CYTH3: variants seen among roughly 807,000 people sequenced by gnomAD.
CYTH3 encodes the protein cytohesin-3.
A neutral mutation model predicts 55.1 loss-of-function variants in CYTH3; 23 were observed. The observed-to-expected ratio is 0.42, with a 90% CI of 0.30 to 0.59. The LOEUF (loss-of-function observed/expected upper bound fraction) is 0.59, where lower values mean the gene tolerates loss of function less well. CYTH3 is among the 20% of genes least tolerant of loss of function. The pLI is 0.20. For synonymous variants in CYTH3, 249 were observed against 194.9 expected, an observed-to-expected ratio of 1.28 and a Z score of -2.31; for missense variants, 413 against 524.8, an observed-to-expected ratio of 0.79 and a Z score of 2.08.
At chr7:6,187,589 G>T in intron 3 of CYTH3, 68 bp downstream of exon 3, 1 of 1,418,386 alleles carries the variant, frequency 7.1e-7, no homozygotes, top group African/African-American at 1.4e-5. Flanking sequence ...CTTTCTGCAA[G>T]TTTGACTACA....
At chr7:6,271,186 GCT>G (rs1780642262) in intron 1 of CYTH3, among the ~76,000 whole-genome samples, 1 of 152,068 alleles carries the variant, frequency 6.6e-6, no homozygotes, top group Non-Finnish European at 1.5e-5. Context: ...GTGCCACAGT[GCT>G]ACCCCTAGCT....
At chr7:6,168,269 A>C (rs1361799632) in intron 9 of CYTH3, among the ~76,000 whole-genome samples, 1 of 145,602 alleles carries the variant, frequency 6.9e-6, no homozygotes, top group Non-Finnish European at 1.5e-5. Context: ...TCGAAGTCTT[A>C]AGTTACCAAC....
chr7:6,243,899 A>G (rs955532829), intron 1 of CYTH3, among the ~76,000 whole-genome samples: 22 of 152,230 alleles, frequency 1.4e-4, no homozygotes, highest in African/African-American at 5.1e-4. Context: ...ATTTTTAAAA[A>G]GATTTCATTG....
intron 1 of CYTH3, among the ~76,000 whole-genome samples, chr7:6,251,752 G>C (rs1486852749): frequency 6.6e-6 from 1 of 152,122 alleles, no homozygotes; most frequent in Admixed American, 6.6e-5. Context: ...ATAGAGTACA[G>C]GACTTCAAAG....
Position 6,170,685 on chromosome 7 carries a change from G to C in CYTH3, c.712-39C>G, listed in dbSNP as rs770389015. The C allele has an allele frequency of 1.5e-5, 24 of 1,598,030 alleles. No homozygotes were observed. Among genetic ancestry groups the C allele is most frequent in the Non-Finnish European group, 2.0e-5 (24 of 1,171,070 alleles). ...AAACAGCAGCCAGTTCAGAGACTCG[G>C]AGGAAAATGGCTGGCCGGGCAGAAA... On this transcript the variant is annotated intron_variant, in intron 8 of 12. Transcript: ENST00000350796. The surrounding 1 kb of genome is among the most constrained non-coding windows in gnomAD (Gnocchi z 7.8).
At chr7:6,256,398 CA>C (rs1562415303) in intron 1 of CYTH3, among the ~76,000 whole-genome samples, 1 of 152,178 alleles carries the variant, frequency 6.6e-6, no homozygotes, top group East Asian at 1.9e-4. Flanking sequence ...TCTGAAGACA[CA>C]AATTCTTTGC....
At chr7:6,202,565 T>A (rs1033520566) in intron 1 of CYTH3, among the ~76,000 whole-genome samples, 1 of 150,386 alleles carries the variant, frequency 6.6e-6, no homozygotes, top group East Asian at 2.0e-4. Flanking sequence ...CTGGGTTCAA[T>A]CGATTCTCCT....
chr7:6,199,130 A>T (rs987490624), intron 1 of CYTH3, among the ~76,000 whole-genome samples: 5 of 152,258 alleles, frequency 3.3e-5, no homozygotes, highest in African/African-American at 1.2e-4. Context: ...GAAGCTTTAC[A>T]TAAGAATCAG....
intron 1 of CYTH3, among the ~76,000 whole-genome samples, chr7:6,199,042 A>G (rs1784002308): frequency 6.6e-6 from 1 of 152,238 alleles, no homozygotes; most frequent in South Asian, 2.1e-4. Context: ...GATAGCAAAT[A>G]TAAATGTTTC....
At chr7:6,240,687 C>G (rs937482632) in intron 1 of CYTH3, among the ~76,000 whole-genome samples, 7 of 150,262 alleles carry the variant, frequency 4.7e-5, no homozygotes, top group African/African-American at 1.8e-4. Flanking sequence ...GAATAAACTC[C>G]AAACAATTCA....
intron 1 of CYTH3, among the ~76,000 whole-genome samples, chr7:6,224,376 T>A (rs1583175948): frequency 6.8e-6 from 1 of 147,168 alleles, no homozygotes; most frequent in African/African-American, 2.5e-5. Context: ...CAAAACCATA[T>A]ATTATTAAAA....
chr7:6,244,567 C>T lies in CYTH3; in HGVS notation c.34+27907G>A, dbSNP rs944307210. On this transcript the variant is annotated intron_variant, in intron 1 of 12. Coordinates refer to ENST00000350796, the MANE Select transcript of CYTH3 (RefSeq NM_004227.4). ...GCAGCCTCAACCACCTGGACTCAAG[C>T]GATCCTCCTGCCTCAGCCTCCTGAG... 5.9e-5 allele frequency among the ~76,000 whole-genome samples: 9 copies of T among 152,302 alleles called. No individual in the cohort carries two copies. In the East Asian group the frequency reaches 7.7e-4, roughly 13 times the overall value.
intron 1 of CYTH3, among the ~76,000 whole-genome samples, chr7:6,252,590 G>A (rs890721676): frequency 1.3e-5 from 2 of 151,976 alleles, no homozygotes; most frequent in Admixed American, 6.6e-5. Flanking sequence ...CAATGAGTTT[G>A]CTGTGCCCAT....
At chr7:6,193,428 T>C (rs934600379) in intron 1 of CYTH3, among the ~76,000 whole-genome samples, 4 of 150,086 alleles carry the variant, frequency 2.7e-5, no homozygotes, top group Non-Finnish European at 5.9e-5. Context: ...TAATCATAAT[T>C]AGCAATTTAA....
rs562766595 is a variant in CYTH3, at chr7:6,164,781, C to T, written c.*163G>A. 46 of 770,910 alleles carry T rather than the reference C, an allele frequency of 6.0e-5. No individual in the cohort carries two copies. The East Asian group carries it at 6.4e-4, about 11-fold the overall frequency. 47.8% of individuals were successfully genotyped at this position (770,910 alleles called of 1,614,324 possible). A position where few individuals can be genotyped will look rare whatever the true frequency, so the allele number is the denominator to read the frequency against. On this transcript the variant is annotated 3_prime_UTR_variant, in exon 13 of 13. Transcript: ENST00000350796. The stretch of plus-strand genomic sequence containing the variant: ...CGACCACCTCCCAGGACCCCAGCCA[C>T]GGCACGAGGCCTTGGGGATACCACC...
chr7:6,171,243 G>A lies in CYTH3; in HGVS notation c.521C>T (p.Ser174Phe), dbSNP rs768605779. 3.7e-6 allele frequency: 6 copies of A among 1,614,188 alleles called. No individual in the cohort carries two copies. Among genetic ancestry groups the A allele is most frequent in the East Asian group, 4.5e-5 (2 of 44,866 alleles). The change falls in exon 7 of 13, where the codon TCT becomes TTT. Residue 174 changes from serine (S) to phenylalanine (F), a missense_variant. Physicochemically the swap from Ser to Phe is radical, Grantham distance 155. Around this residue, in one of 4 missense-constraint regions of CYTH3, gnomAD observed 156 missense variants for 233.1 expected, o/e 0.67. Coordinates refer to ENST00000350796, the MANE Select transcript of CYTH3 (RefSeq NM_004227.4). The surrounding 1 kb of genome is among the most constrained non-coding windows in gnomAD (Gnocchi z 6.7). Reference protein sequence around the residue: ...KIDRMMEAFASRYCLCNPGVF... With the variant: ...KIDRMMEAFAFRYCLCNPGVF... Reference sequence around the variant, plus strand: ...CCCGGGGTTGCACAGGCAGTAGCGAGAAGCGAAAGCCTCCATCATGCGATC... The same window carrying A: ...CCCGGGGTTGCACAGGCAGTAGCGAAAAGCGAAAGCCTCCATCATGCGATC...
At chr7:6,269,854 T>C (rs908774828) in intron 1 of CYTH3, among the ~76,000 whole-genome samples, 1 of 152,220 alleles carries the variant, frequency 6.6e-6, no homozygotes, top group African/African-American at 2.4e-5. Context: ...TTCAAGTCTT[T>C]TAACCTGACC....
At position 6,163,069 on chromosome 7, in the gene CYTH3, T is replaced by TC. The variant is rs1782884966; in HGVS notation, c.*1874dup. On this transcript the variant is annotated 3_prime_UTR_variant, in exon 13 of 13. Coordinates refer to ENST00000350796, the MANE Select transcript of CYTH3 (RefSeq NM_004227.4). ...ACTTGCCTTTCTCAGAACTAAAACT[T>TC]CCGATTTGAGGTATCAGTAACAAAG... 6.5e-6 allele frequency: 1 copy of TC among 152,796 alleles called. No homozygotes were observed. Among genetic ancestry groups the TC allele is most frequent in the Admixed American group, 6.5e-5 (1 of 15,308 alleles). The allele number at this position is 152,796 out of a possible 1,614,324, so 9.5% of individuals were successfully genotyped here. A position where few individuals can be genotyped will look rare whatever the true frequency, so the allele number is the denominator to read the frequency against.
chr7:6,187,843 G>T, intron 2 of CYTH3, 122 bp from the exon 3 acceptor site: 1 of 787,612 alleles, frequency 1.3e-6, no homozygotes, highest in Non-Finnish European at 2.2e-6. Context: ...TCACAGGGAT[G>T]GAAAAACCAA....
Sources: gnomAD v4.1 joint callset for allele counts (sites outside exome capture counted in the v4.1 genomes callset) on GRCh38, gnomAD v4.1.1 for gene constraint, gnomAD v4.1.1 regional missense constraint, Gnocchi (gnomAD v3.1) non-coding constraint, MANE v1.5 for transcripts, NCBI Gene and HGNC (gene_info 2026-07-23, HGNC 2026-07-21) for gene names.